The following ZFR variants were observed in gnomAD, a reference collection of about 807,000 sequenced individuals.
ZFR encodes zinc finger RNA-binding protein.
A neutral mutation model predicts 130.7 loss-of-function variants in ZFR; 19 were observed. The observed-to-expected ratio is 0.15, with a 90% CI of 0.10 to 0.21. ZFR has a LOEUF of 0.21. ZFR is among the 10% of genes least tolerant of loss of function. ZFR has a pLI of 1.00. For missense variants in ZFR, 872 were observed against 1,321.5 expected (o/e 0.66, Z 5.27); for synonymous variants, 466 against 456.9 (o/e 1.02, Z -0.25).
At chr5:32,422,120 G>C (rs1260436921) in intron 2 of ZFR, among the ~76,000 whole-genome samples, 2 of 151,712 alleles carry the variant, frequency 1.3e-5, no homozygotes, top group African/African-American at 4.8e-5. Flanking sequence ...TCCTTATCTA[G>C]TATTTGTCCC....
intron 5 of ZFR, among the ~76,000 whole-genome samples, chr5:32,414,559 T>C (rs1378649553): frequency 6.6e-6 from 1 of 152,234 alleles, no homozygotes; most frequent in Non-Finnish European, 1.5e-5. Context: ...ATGAACTATT[T>C]CTGATAATAA....
chr5:32,417,147 AG>A (rs1203431966), intron 4 of ZFR, among the ~76,000 whole-genome samples: 25 of 149,262 alleles, frequency 1.7e-4, no homozygotes, highest in Admixed American at 1.5e-3. Flanking sequence ...CATCTTTTAA[AG>A]TCTGTAAATA....
At chr5:32,432,684 T>A (rs1018935540) in intron 2 of ZFR, among the ~76,000 whole-genome samples, 3 of 152,110 alleles carry the variant, frequency 2.0e-5, no homozygotes, top group African/African-American at 7.2e-5. Flanking sequence ...GCAATGTTAT[T>A]ATAATAATAA....
chr5:32,372,624 A>G (rs1490269636), intron 17 of ZFR, among the ~76,000 whole-genome samples: 1 of 152,116 alleles, frequency 6.6e-6, no homozygotes, highest in African/African-American at 2.4e-5. Context: ...CTTGAGGCCA[A>G]GAGCTCGAGA....
At chr5:32,413,041 T>C (rs1405977517) in intron 5 of ZFR, among the ~76,000 whole-genome samples, 1 of 151,958 alleles carries the variant, frequency 6.6e-6, no homozygotes, top group Non-Finnish European at 1.5e-5. Flanking sequence ...ATACAAAAAT[T>C]AGCCAGGCGT....
rs375469281 is a variant in ZFR, at chr5:32,364,036, C to T, written c.2957G>A (p.Gly986Glu). 4 of 1,613,824 alleles carry T rather than the reference C, an allele frequency of 2.5e-6. No homozygotes were observed. The highest frequency in any genetic ancestry group is 3.4e-6 in the Non-Finnish European group (4 of 1,179,928). ...SSGIILKGSP[G>E]LLDPCEKDPF... is the part of the protein sequence containing the mutation. ...ATCCTTTTCACAAGGATCCAGAAGTCCAGGACTACCTACAGCAATCACCAC... is the reference window on the plus strand; with the variant it reads ...ATCCTTTTCACAAGGATCCAGAAGTTCAGGACTACCTACAGCAATCACCAC... The change falls in exon 19 of 20, where the codon GGA (glycine) becomes GAA (glutamate). Residue 986 changes from glycine (G) to glutamate (E), a missense_variant. By Grantham distance (98) the Gly-to-Glu change is moderately conservative. Coordinates refer to ENST00000265069, the MANE Select transcript of ZFR (RefSeq NM_016107.5).
At chr5:32,412,418 A>T (rs947530521) in intron 5 of ZFR, among the ~76,000 whole-genome samples, 53 of 152,222 alleles carry the variant, frequency 3.5e-4, no homozygotes, top group Admixed American at 7.2e-4. Flanking sequence ...AGATAAAAAT[A>T]AGGAACTGTT....
chr5:32,422,798 CAAAAAAAAAA>C (rs10693151), intron 2 of ZFR, among the ~76,000 whole-genome samples: 24 of 24,010 alleles, frequency 1.0e-3, no homozygotes, highest in African/African-American at 2.7e-3. Context: ...AAACCTGTCT[CAAAAAAAAAA>C]AAAAAAAAAA....
At chr5:32,366,031 C>A (rs546757122) in intron 17 of ZFR, among the ~76,000 whole-genome samples, 1 of 152,036 alleles carries the variant, frequency 6.6e-6, no homozygotes. Flanking sequence ...TTTTAAGATG[C>A]GAAAAGACTT....
intron 2 of ZFR, among the ~76,000 whole-genome samples, chr5:32,429,087 G>A (rs536397589): frequency 3.7e-4 from 53 of 143,976 alleles, no homozygotes; most frequent in Non-Finnish European, 5.7e-4. Context: ...CCGGGTTCAC[G>A]CCATTCTCCT....
intron 13 of ZFR, 80 bp from the exon 14 acceptor site, chr5:32,387,779 TGAAA>T: frequency 7.4e-7 from 1 of 1,350,232 alleles, no homozygotes; most frequent in Non-Finnish European, 9.8e-7. Context: ...CAATAGTAAG[TGAAA>T]TAACTTTTGT....
At chr5:32,422,798 C>A (rs1382604927) in intron 2 of ZFR, among the ~76,000 whole-genome samples, 75 of 24,002 alleles carry the variant, frequency 3.1e-3, no homozygotes, top group Admixed American at 9.1e-3. Flanking sequence ...AAACCTGTCT[C>A]AAAAAAAAAA....
chr5:32,374,719 A>ACAAG (rs1365954864), intron 17 of ZFR, among the ~76,000 whole-genome samples: 3 of 151,132 alleles, frequency 2.0e-5, no homozygotes, highest in African/African-American at 4.9e-5. Flanking sequence ...AAACAAACAA[A>ACAAG]CAAGCAAAAA....
intron 2 of ZFR, among the ~76,000 whole-genome samples, chr5:32,434,139 TC>T (rs1754281350): frequency 6.6e-6 from 1 of 152,260 alleles, no homozygotes; most frequent in Non-Finnish European, 1.5e-5. Flanking sequence ...ATTCTGGTTC[TC>T]CTCACAGAAT....
In ZFR at chr5:32,370,757, C is replaced by A. The variant is rs371138297; in HGVS notation, c.2836-6482G>T. On this transcript the variant is annotated intron_variant, in intron 17 of 19. Transcript: ENST00000265069. ...TTCTAAAGGTTTAGATAGCACACAG[C>A]AATTCTGATATCAGACCAACATTAC... Among the ~76,000 whole-genome samples, 146 of 152,278 alleles carry A rather than the reference C, an allele frequency of 9.6e-4. 1 individual carries two copies. Among genetic ancestry groups the A allele is most frequent in the African/African-American group, 3.4e-3 (143 of 41,562 alleles).
chr5:32,367,043 C>T (rs901210894), intron 17 of ZFR, among the ~76,000 whole-genome samples: 1 of 151,956 alleles, frequency 6.6e-6, no homozygotes, highest in African/African-American at 2.4e-5. Context: ...CAAGTGAATG[C>T]CACTGCACTC....
chr5:32,403,139 T>G lies in ZFR; in HGVS notation c.1483A>C (p.Lys495Gln). The G allele has an allele frequency of 1.9e-6, 3 of 1,614,106 alleles. No homozygotes were observed. The highest frequency in any genetic ancestry group is 2.5e-6 in the Non-Finnish European group (3 of 1,179,994). Residue 495 changes from lysine (K) to glutamine (Q), a missense_variant, in exon 8 of 20, where the codon AAG becomes CAG. Physicochemically the swap from Lys to Gln is moderately conservative, Grantham distance 53. Transcript: ENST00000265069. Reference protein sequence around the residue: ...VSAVPTNMAAKKTSTPKINFV... With the variant: ...VSAVPTNMAAQKTSTPKINFV... ...TTTATTTTGGGGGTAGATGTTTTCT[T>G]GGCAGCCATATTTGTAGGCACTGCT... is the stretch of plus-strand genomic sequence containing the variant.
intron 8 of ZFR, among the ~76,000 whole-genome samples, chr5:32,402,793 A>C (rs1379363126): frequency 6.6e-6 from 1 of 151,740 alleles, no homozygotes; most frequent in Non-Finnish European, 1.5e-5. Flanking sequence ...TGAAAAAAAA[A>C]AAAACAAAAA....
chr5:32,435,725 T>C (rs891134913), intron 2 of ZFR, among the ~76,000 whole-genome samples: 10 of 152,214 alleles, frequency 6.6e-5, no homozygotes, highest in African/African-American at 2.2e-4. Flanking sequence ...CTGACTACCA[T>C]ACTAGTAGTG....
Sources: allele counts gnomAD v4.1 joint callset (sites outside exome capture counted in the v4.1 genomes callset), GRCh38; gene constraint gnomAD v4.1.1; transcripts MANE v1.5; gene names NCBI Gene and HGNC (gene_info 2026-07-23, HGNC 2026-07-21).